The following CDC25A variants were observed in gnomAD, a reference collection of about 807,000 sequenced individuals.
CDC25A encodes M-phase inducer phosphatase 1.
In CDC25A, 17 loss-of-function variants were observed where a neutral mutation model predicts 64.6. The observed-to-expected ratio is 0.26, with a 90% confidence interval of 0.18 to 0.39. The LOEUF is 0.39. CDC25A is among the 10% of genes least tolerant of loss of function. The pLI, the probability that CDC25A is intolerant of heterozygous loss-of-function variation, is 1.00. For synonymous variants in CDC25A, 229 were observed against 238.6 expected (o/e 0.96, Z 0.37); for missense variants, 473 against 654.8 (o/e 0.72, Z 3.03).
chr3:48,180,591 C>G (rs1437806647), intron 6 of CDC25A, 130 bp downstream of exon 6: 19 of 942,410 alleles, frequency 2.0e-5, no homozygotes, highest in Non-Finnish European at 2.7e-5. Context: ...GCTTGACAGT[C>G]TAATTTCAAA....
chr3:48,178,021 A>T (rs1484598549), intron 6 of CDC25A, 33 bp from the exon 7 acceptor site: 10 of 1,576,574 alleles, frequency 6.3e-6, no homozygotes, highest in Non-Finnish European at 8.6e-6. Context: ...TAATAATGAG[A>T]GCTCTGATCC....
At chr3:48,176,616 C>G (rs983739475) in intron 8 of CDC25A, among the ~76,000 whole-genome samples, 5 of 147,440 alleles carry the variant, frequency 3.4e-5, no homozygotes, top group African/African-American at 1.2e-4. Flanking sequence ...AAATACCCAG[C>G]CTCAGGTAGG....
rs2032597446 is a variant in CDC25A, at chr3:48,179,847, A to G, written c.549+874T>C. On this transcript the variant is annotated intron_variant, in intron 6 of 14. Coordinates refer to ENST00000302506, the MANE Select transcript of CDC25A (RefSeq NM_001789.3). ...AACAATACTGGCTGAACCTCAGAAC[A>G]CAAAGCAGATTGGAAAGGTATATTT... Among the ~76,000 whole-genome samples, 2 of 152,232 alleles carry G rather than the reference A, an allele frequency of 1.3e-5. 1 individual carries two copies. Among genetic ancestry groups the G allele is most frequent in the East Asian group, 3.8e-4 (2 of 5,200 alleles).
chr3:48,187,737 AGGCCAGG>A, intron 1 of CDC25A, 34 bp downstream of exon 1: 2 of 1,517,230 alleles, frequency 1.3e-6, no homozygotes, highest in Non-Finnish European at 1.8e-6. Context: ...GCCGACACCG[AGGCCAGG>A]GGCCCGGAGC....
At chr3:48,164,485 AGTAATGATTCAGCAAGAT>A (rs2031919704) in intron 12 of CDC25A, 48 bp from the exon 13 acceptor site, 3 of 1,442,672 alleles carry the variant, frequency 2.1e-6, no homozygotes, top group Non-Finnish European at 2.7e-6. Context: ...TCACACATGA[AGTAATGATTCAGCAAGAT>A]GTAATGATTC....
intron 10 of CDC25A, among the ~76,000 whole-genome samples, chr3:48,167,352 C>G (rs536421027): frequency 1.7e-3 from 255 of 152,308 alleles, no homozygotes; most frequent in Non-Finnish European, 1.7e-3. Flanking sequence ...TTACTGCAGC[C>G]AAGCCTTCAT....
intron 3 of CDC25A, 32 bp downstream of exon 3, chr3:48,184,621 C>A: frequency 6.7e-7 from 1 of 1,501,872 alleles, no homozygotes; most frequent in South Asian, 1.2e-5. Context: ...GTTTTTTCTA[C>A]ATATAAACAT....
rs1440816876 is a variant in CDC25A, at chr3:48,188,251, C to A, written c.-304G>T. On this transcript the variant is annotated 5_prime_UTR_variant, in exon 1 of 15. Coordinates refer to ENST00000302506, the MANE Select transcript of CDC25A (RefSeq NM_001789.3). Reference sequence around the variant, plus strand: ...AATCCAAACAAACGTGGCGGGTCGGCAAGAGAAGCCGGGCGAGAGCCTCGA... The same window carrying A: ...AATCCAAACAAACGTGGCGGGTCGGAAAGAGAAGCCGGGCGAGAGCCTCGA... 3.9e-6 allele frequency: 1 copy of A among 259,010 alleles called. No individual in the cohort carries two copies. The highest frequency in any genetic ancestry group is 7.3e-6 in the Non-Finnish European group (1 of 137,788). The allele number at this position is 259,010 out of a possible 1,614,324, so 16.0% of individuals were successfully genotyped here.
At chr3:48,181,860 T>C (rs2032683446) in intron 5 of CDC25A, 3 of 548,042 alleles carry the variant, frequency 5.5e-6, no homozygotes, top group Non-Finnish European at 3.2e-6. Flanking sequence ...ACTAAGTACT[T>C]TCTGTGCATT....
At chr3:48,183,751 AG>A (rs1559964585) in intron 4 of CDC25A, 48 bp downstream of exon 4, 6 of 1,196,478 alleles carry the variant, frequency 5.0e-6, no homozygotes, top group Non-Finnish European at 6.2e-6. Flanking sequence ...CTGGTAGCTA[AG>A]GAACAGATAA....
At chr3:48,177,793 C>T in intron 7 of CDC25A, 61 bp downstream of exon 7, 1 of 1,592,128 alleles carries the variant, frequency 6.3e-7, no homozygotes, top group Non-Finnish European at 8.6e-7. Flanking sequence ...ACATCACATG[C>T]CTTCTCCAGA....
intron 10 of CDC25A, among the ~76,000 whole-genome samples, chr3:48,167,332 G>A (rs1486398042): frequency 6.6e-6 from 1 of 152,220 alleles, no homozygotes; most frequent in African/African-American, 2.4e-5. Flanking sequence ...CCCTGTCCTA[G>A]CCTTGTATTT....
chr3:48,172,066 G>A (rs1432600723), intron 9 of CDC25A, among the ~76,000 whole-genome samples: 1 of 152,168 alleles, frequency 6.6e-6, no homozygotes, highest in Non-Finnish European at 1.5e-5. Flanking sequence ...CTGCTAGGGG[G>A]GCTGAGGCGG....
chr3:48,186,600 A>G, intron 2 of CDC25A, 103 bp downstream of exon 2: 8 of 694,724 alleles, frequency 1.2e-5, no homozygotes, highest in Non-Finnish European at 2.0e-5. Flanking sequence ...TTATCACCCA[A>G]TGCCATGACT....
At chr3:48,163,292 A>G (rs2031864048) in intron 13 of CDC25A, among the ~76,000 whole-genome samples, 1 of 151,086 alleles carries the variant, frequency 6.6e-6, no homozygotes, top group East Asian at 1.9e-4. Context: ...TCAAAAAAAA[A>G]AAAAAAAAAG....
At chr3:48,168,166 T>G in intron 9 of CDC25A, among the ~76,000 whole-genome samples, 1 of 147,200 alleles carries the variant, frequency 6.8e-6, no homozygotes, top group African/African-American at 2.5e-5. Context: ...TGAAACTAAG[T>G]TTTCCTTCCT....
chr3:48,168,599 T>C (rs1373103584), intron 9 of CDC25A, among the ~76,000 whole-genome samples: 2 of 151,058 alleles, frequency 1.3e-5, no homozygotes, highest in Non-Finnish European at 2.9e-5. Context: ...TAGGATTAAG[T>C]TTAGAAAAAG....
chr3:48,167,014 T>C (rs1366404685), intron 10 of CDC25A, among the ~76,000 whole-genome samples: 1 of 152,168 alleles, frequency 6.6e-6, no homozygotes. Context: ...TGGGCTGAAA[T>C]ATCAACGGCC....
intron 4 of CDC25A, 140 bp from the exon 5 acceptor site, chr3:48,183,170 G>A: frequency 1.6e-6 from 1 of 618,804 alleles, no homozygotes; most frequent in Non-Finnish European, 2.9e-6. Flanking sequence ...ACCAGTAAAT[G>A]TGGCCAGGAA....
Sources: gnomAD v4.1 joint callset for allele counts (sites outside exome capture counted in the v4.1 genomes callset) on GRCh38, gnomAD v4.1.1 for gene constraint, MANE v1.5 for transcripts, NCBI Gene and HGNC (gene_info 2026-07-23, HGNC 2026-07-21) for gene names.